Variants in SHLD2 observed in about 807,000 individuals in gnomAD.
SHLD2 encodes the protein RINN1-REV7-interacting novel NHEJ regulator 2.
SHLD2 carries 30 observed loss-of-function variants against 73.2 expected under a neutral mutation model. The ratio of observed to expected loss-of-function variants is 0.41; its 90% confidence interval spans 0.31 to 0.56. The LOEUF is 0.56. SHLD2 is among the 20% of genes least tolerant of loss of function. The pLI is 0.28. For synonymous variants in SHLD2, 285 were observed against 370.1 expected, an observed-to-expected ratio of 0.77 and a Z score of 2.64; for missense variants, 745 against 1,055.9, an observed-to-expected ratio of 0.71 and a Z score of 4.08.
At chr10:87,158,629 C>T (rs4934306) in intron 4 of SHLD2, among the ~76,000 whole-genome samples, 103,067 of 151,468 alleles carry the variant, frequency 0.68, 35,787 homozygotes, top group Middle Eastern at 0.89. Context: ...TCCTTATTCT[C>T]CTGTCTACCA....
intron 2 of SHLD2, among the ~76,000 whole-genome samples, chr10:87,143,014 T>G (rs1262377300): frequency 6.7e-6 from 1 of 150,124 alleles, no homozygotes; most frequent in Non-Finnish European, 1.5e-5. Context: ...ACTGTAGCCT[T>G]GACCTCCCAG....
At chr10:87,094,827 T>TC, upstream of SHLD2, 1 of 1,320,748 alleles carries the variant, frequency 7.6e-7, no homozygotes, top group East Asian at 3.0e-5. The surrounding 1 kb of genome is among the most constrained non-coding windows in gnomAD (Gnocchi z 6.6). Flanking sequence ...TTTCTCAGAC[T>TC]CCCCGCGACT....
At chr10:87,124,803 G>A (rs973412558) in intron 2 of SHLD2, among the ~76,000 whole-genome samples, 5 of 143,368 alleles carry the variant, frequency 3.5e-5, no homozygotes, top group African/African-American at 1.3e-4. Context: ...TGAGTGCAAT[G>A]ACATCATCAT....
At chr10:87,110,987 G>T (rs1842882121) in intron 2 of SHLD2, among the ~76,000 whole-genome samples, 1 of 151,554 alleles carries the variant, frequency 6.6e-6, no homozygotes, top group South Asian at 2.1e-4. Flanking sequence ...GGGACTACAG[G>T]CGCGCACCAC....
intron 2 of SHLD2, among the ~76,000 whole-genome samples, chr10:87,133,944 T>C (rs1213872749): frequency 6.6e-6 from 1 of 152,218 alleles, no homozygotes; most frequent in Non-Finnish European, 1.5e-5. Context: ...ATAAAATTCC[T>C]GCCCTTGTGG....
Position 87,151,987 on chromosome 10 carries a change from G to T in SHLD2, c.633G>T (p.Leu211Phe), listed in dbSNP as rs957738172. 3 of 1,611,880 alleles carry T rather than the reference G, an allele frequency of 1.9e-6. No homozygotes were observed. The highest frequency in any genetic ancestry group is 2.7e-5 in the African/African-American group (2 of 74,950). Residue 211 changes from leucine (L) to phenylalanine (F), a missense_variant, in exon 3 of 10, where the codon TTG becomes TTT. Physicochemically the swap from Leu to Phe is conservative, Grantham distance 22 (BLOSUM62 0). Transcript: ENST00000298786. ...ATCATGAAATACAAAACCAGTGTTTGGGATTATTTTCCTCGAACGCAGTAG... is the reference window on the plus strand; with the variant it reads ...ATCATGAAATACAAAACCAGTGTTTTGGATTATTTTCCTCGAACGCAGTAG... ...TEYHEIQNQC[L>F]GLFSSNAVDK...
At chr10:87,109,776 A>G (rs10887693) in intron 2 of SHLD2, among the ~76,000 whole-genome samples, 52,616 of 152,018 alleles carry the variant, frequency 0.35, 9,565 homozygotes, top group African/African-American at 0.44. Context: ...GCTGGAGTCT[A>G]CATGACAAAT....
chr10:87,167,837 G>T (rs1366902945), intron 4 of SHLD2, among the ~76,000 whole-genome samples: 1 of 152,044 alleles, frequency 6.6e-6, no homozygotes, highest in African/African-American at 2.4e-5. Flanking sequence ...TAGAGACCAG[G>T]TTTTGTCATG....
At chr10:87,168,419 A>C (rs1847352693) in intron 4 of SHLD2, among the ~76,000 whole-genome samples, 1 of 151,992 alleles carries the variant, frequency 6.6e-6, no homozygotes, top group Admixed American at 6.6e-5. Context: ...CAAGGTGGCA[A>C]AACCCTGTCT....
chr10:87,141,531 C>T lies in SHLD2; in HGVS notation c.-5-9819C>T, dbSNP rs185411486. 2.3e-3 allele frequency among the ~76,000 whole-genome samples: 346 copies of T among 152,026 alleles called. 2 individuals are homozygous for T. Among genetic ancestry groups the T allele is most frequent in the African/African-American group, 8.1e-3 (334 of 41,470 alleles). On this transcript the variant is annotated intron_variant, in intron 2 of 9. Transcript: ENST00000298786. ...TAATTTTCATATTTTTAGTCCACCA[C>T]GTTAGCCAGGCTGGTCTCAAACTCC...
intron 2 of SHLD2, among the ~76,000 whole-genome samples, chr10:87,099,220 G>A (rs1241439848): frequency 2.0e-5 from 3 of 152,114 alleles, no homozygotes; most frequent in African/African-American, 7.2e-5. Context: ...TTCCAGGTCT[G>A]TTTTTCTTGA....
intron 4 of SHLD2, among the ~76,000 whole-genome samples, chr10:87,169,057 A>G (rs1244316957): frequency 6.6e-6 from 1 of 152,246 alleles, no homozygotes; most frequent in Non-Finnish European, 1.5e-5. Flanking sequence ...AGATCAACAC[A>G]ATGTTTCCAT....
upstream of SHLD2, chr10:87,094,509 C>T: frequency 6.2e-7 from 1 of 1,613,352 alleles, no homozygotes; most frequent in Non-Finnish European, 8.5e-7. This position sits in a 1 kb window ranked among gnomAD's most constrained non-coding sequence, Gnocchi z 6.6. Context: ...TCCTCAGGTC[C>T]TCCACCAGCT....
At chr10:87,148,833 A>T (rs1320169593) in intron 2 of SHLD2, among the ~76,000 whole-genome samples, 1 of 151,792 alleles carries the variant, frequency 6.6e-6, no homozygotes, top group Non-Finnish European at 1.5e-5. Flanking sequence ...ATTCATTATC[A>T]TGGTAATGTT....
At chr10:87,156,676 C>A (rs2134377722) in intron 3 of SHLD2, among the ~76,000 whole-genome samples, 1 of 152,300 alleles carries the variant, frequency 6.6e-6, no homozygotes, top group Non-Finnish European at 1.5e-5. Context: ...TGTCACTAAT[C>A]CAACATATGC....
At chr10:87,174,567 CA>C (rs5786765) in intron 6 of SHLD2, among the ~76,000 whole-genome samples, 26,193 of 113,162 alleles carry the variant, frequency 0.23, 2,624 homozygotes, top group Admixed American at 0.34. Context: ...GATTTTCCAC[CA>C]AAAAAAAAAA....
At chr10:87,130,740 T>G (rs1844368016) in intron 2 of SHLD2, among the ~76,000 whole-genome samples, 1 of 152,212 alleles carries the variant, frequency 6.6e-6, no homozygotes, top group Non-Finnish European at 1.5e-5. Flanking sequence ...TTTATGCATT[T>G]GCTTTCTAGC....
intron 4 of SHLD2, among the ~76,000 whole-genome samples, chr10:87,162,494 G>T (rs1338500306): frequency 6.6e-6 from 1 of 152,090 alleles, no homozygotes; most frequent in Non-Finnish European, 1.5e-5. Flanking sequence ...AGGAGTTTGA[G>T]TCCAGCCTGG....
chr10:87,168,175 C>G (rs1387924014), intron 4 of SHLD2, among the ~76,000 whole-genome samples: 1 of 152,040 alleles, frequency 6.6e-6, no homozygotes, highest in African/African-American at 2.4e-5. Flanking sequence ...GACATAAGCA[C>G]TTGAATATTC....
Sources: gnomAD v4.1 joint callset for allele counts (sites outside exome capture counted in the v4.1 genomes callset) on GRCh38, gnomAD v4.1.1 for gene constraint, Gnocchi (gnomAD v3.1) non-coding constraint, MANE v1.5 for transcripts, NCBI Gene and HGNC (gene_info 2026-07-23, HGNC 2026-07-21) for gene names.